The following FAM114A1 variants were observed in gnomAD, a reference collection of about 807,000 sequenced individuals.
The protein encoded by FAM114A1 is family with sequence similarity 114 member A1, also known as protein NOXP20.
FAM114A1 carries 62 observed loss-of-function variants against 64.3 expected under a neutral mutation model. The observed-to-expected ratio is 0.96, with a 90% CI of 0.79 to 1.19. FAM114A1 has a LOEUF of 1.19. FAM114A1 is among the 50% of genes most tolerant of loss of function. The probability of loss-of-function intolerance (pLI) is 0.00; values close to 1 mark genes in which losing one functional copy is unlikely to be tolerated. For missense variants in FAM114A1, 645 were observed against 676.3 expected, an observed-to-expected ratio of 0.95 and a Z score of 0.51; for synonymous variants, 254 against 251.1, an observed-to-expected ratio of 1.01 and a Z score of -0.11.
At chr4:38,898,039 A>T (rs1560301420) in intron 4 of FAM114A1, among the ~76,000 whole-genome samples, 1 of 152,206 alleles carries the variant, frequency 6.6e-6, no homozygotes, top group Non-Finnish European at 1.5e-5. Context: ...TCCAAAATGT[A>T]TTACTAGGCT....
chr4:38,943,191 CA>C (rs1255932256), intron 14 of FAM114A1, among the ~76,000 whole-genome samples: 19,326 of 88,818 alleles, frequency 0.22, 1,321 homozygotes, highest in Non-Finnish European at 0.24. Flanking sequence ...GACTCTGTCT[CA>C]AAAAAAAAAA....
At position 38,932,359 on chromosome 4, in the gene FAM114A1, C is replaced by A. The variant is rs1244127641; in HGVS notation, c.1448C>A (p.Ala483Glu). ...GAGGAAAAACCAGCTCAGGACCAAG[C>A]AAAAGTTCTAATAAAGTAAGTAAAT... Reference protein sequence around the residue: ...QEEEKPAQDQAKVLIKLTTAM... With the variant: ...QEEEKPAQDQEKVLIKLTTAM... The change falls in exon 12 of 15, where the codon GCA (alanine) becomes GAA (glutamate). Residue 483 changes from alanine (A) to glutamate (E), a missense_variant. Coordinates refer to ENST00000358869, the MANE Select transcript of FAM114A1 (RefSeq NM_138389.4). 6.3e-7 allele frequency: 1 copy of A among 1,590,154 alleles called. No individual in the cohort carries two copies. Among genetic ancestry groups the A allele is most frequent in the Non-Finnish European group, 8.5e-7 (1 of 1,174,254 alleles).
intron 8 of FAM114A1, among the ~76,000 whole-genome samples, chr4:38,921,104 C>A (rs1288360554): frequency 6.6e-6 from 1 of 152,192 alleles, no homozygotes; most frequent in Non-Finnish European, 1.5e-5. Flanking sequence ...ACTACGGCTC[C>A]ACCGCTGTCT....
At chr4:38,912,189 C>T (rs554075397) in intron 7 of FAM114A1, among the ~76,000 whole-genome samples, 9 of 152,000 alleles carry the variant, frequency 5.9e-5, no homozygotes, top group South Asian at 2.1e-4. Context: ...TTAAATAACA[C>T]GGGGACAGGG....
chr4:38,913,355 A>G (rs997095779), intron 7 of FAM114A1, among the ~76,000 whole-genome samples: 5 of 152,226 alleles, frequency 3.3e-5, no homozygotes, highest in Admixed American at 2.6e-4. Flanking sequence ...GTTCACAGTC[A>G]TATTTCTGGA....
At chr4:38,901,950 A>G (rs936497660) in intron 4 of FAM114A1, among the ~76,000 whole-genome samples, 10 of 152,262 alleles carry the variant, frequency 6.6e-5, no homozygotes, top group African/African-American at 2.2e-4. Flanking sequence ...AGTCAAGTGC[A>G]TTTTAGAATA....
At chr4:38,868,048 C>A in intron 1 of FAM114A1, 1 of 424,144 alleles carries the variant, frequency 2.4e-6, no homozygotes, top group Admixed American at 2.5e-5. Flanking sequence ...TGCGTGGGTG[C>A]GGGCGTGTGA....
rs2109753870 is a variant in FAM114A1, at chr4:38,922,908, C to G, written c.1069+15C>G. On this transcript the variant is annotated intron_variant, in intron 9 of 14. Transcript: ENST00000358869. ...AGAAGAACAAGGTAAAGGAAAATAA[C>G]TTAAATAGCAAGACAAACTGTTGGC... 1 of 1,599,988 alleles carries G rather than the reference C, an allele frequency of 6.3e-7. No individual in the cohort carries two copies. Among genetic ancestry groups the G allele is most frequent in the South Asian group, 1.1e-5 (1 of 88,054 alleles).
At chr4:38,886,172 C>CTTT (rs36090599) in intron 3 of FAM114A1, among the ~76,000 whole-genome samples, 2 of 137,418 alleles carry the variant, frequency 1.5e-5, no homozygotes, top group East Asian at 2.1e-4. Context: ...AGATAAGCAC[C>CTTT]TTTTTTTTTT....
intron 6 of FAM114A1, 136 bp from the exon 7 acceptor site, chr4:38,908,456 A>G: frequency 1.3e-6 from 1 of 757,200 alleles, no homozygotes; most frequent in Admixed American, 3.1e-5. Context: ...TGGATGATAA[A>G]TCTCCTGATG....
chr4:38,929,543 CA>C (rs1279669388), intron 10 of FAM114A1, among the ~76,000 whole-genome samples: 2 of 152,216 alleles, frequency 1.3e-5, no homozygotes, highest in African/African-American at 4.8e-5. Context: ...TTTGGGAGGC[CA>C]AGGCGGGTGG....
At chr4:38,879,146 G>A (rs1056994214) in intron 3 of FAM114A1, among the ~76,000 whole-genome samples, 8 of 152,062 alleles carry the variant, frequency 5.3e-5, no homozygotes, top group African/African-American at 1.4e-4. Flanking sequence ...ATGTGGGGCC[G>A]GGCAGGGGTG....
At chr4:38,933,567 T>C (rs1158663007) in intron 12 of FAM114A1, among the ~76,000 whole-genome samples, 1 of 152,182 alleles carries the variant, frequency 6.6e-6, no homozygotes, top group East Asian at 1.9e-4. Context: ...ATTAGTTTAT[T>C]AAGTAAAATT....
At chr4:38,926,477 T>TA (rs138961564) in intron 9 of FAM114A1, among the ~76,000 whole-genome samples, 1,632 of 150,868 alleles carry the variant, frequency 0.011, 25 homozygotes, top group African/African-American at 0.038. Context: ...TTTTTCCAGA[T>TA]AGAGTCTCAT....
chr4:38,911,255 A>C (rs1718501510), intron 7 of FAM114A1, among the ~76,000 whole-genome samples: 1 of 152,236 alleles, frequency 6.6e-6, no homozygotes, highest in African/African-American at 2.4e-5. Flanking sequence ...CCCAGACTGC[A>C]GTGCGGCATG....
chr4:38,935,350 T>G (rs1176623281), intron 12 of FAM114A1, among the ~76,000 whole-genome samples: 2 of 152,184 alleles, frequency 1.3e-5, no homozygotes, highest in Non-Finnish European at 2.9e-5. Context: ...TGAATGCTCA[T>G]GATTATTTTG....
intron 4 of FAM114A1, among the ~76,000 whole-genome samples, chr4:38,900,123 T>C (rs1000624653): frequency 6.6e-6 from 1 of 151,964 alleles, no homozygotes; most frequent in African/African-American, 2.4e-5. Context: ...ATTAGGGAAA[T>C]GCTAATCAAA....
In FAM114A1 at chr4:38,943,561, G is replaced by C. The variant is rs766106986; in HGVS notation, c.*4G>C. 1.9e-6 allele frequency: 3 copies of C among 1,613,058 alleles called. No individual in the cohort carries two copies. In the Admixed American group the frequency reaches 5.0e-5, roughly 27 times the overall value. On this transcript the variant is annotated 3_prime_UTR_variant, in exon 15 of 15. Coordinates refer to ENST00000358869, the MANE Select transcript of FAM114A1 (RefSeq NM_138389.4). ...TTGTTTGAAAGCACAGCCGTGACCT[G>C]GCCAGACTCCATCTAGTTAAAGGAG...
At chr4:38,905,227 A>G (rs1330794430) in intron 4 of FAM114A1, among the ~76,000 whole-genome samples, 2 of 151,984 alleles carry the variant, frequency 1.3e-5, no homozygotes, top group Non-Finnish European at 2.9e-5. Context: ...AGTGAAACCT[A>G]GTCTCCACTA....
Sources: gnomAD v4.1 joint callset for allele counts (sites outside exome capture counted in the v4.1 genomes callset) on GRCh38, gnomAD v4.1.1 for gene constraint, MANE v1.5 for transcripts, NCBI Gene and HGNC (gene_info 2026-07-23, HGNC 2026-07-21) for gene names.